Variants in TMEM135 observed in about 807,000 individuals in gnomAD.
The protein encoded by TMEM135 is transmembrane protein 135, also known as peroxisomal membrane protein 52.
Under a neutral mutation model 60.3 loss-of-function variants are expected in TMEM135, and 30 were observed. That is an observed-to-expected ratio of 0.50 (90% CI 0.37 to 0.68). The LOEUF is 0.68. TMEM135 is among the 30% of genes least tolerant of loss of function. The pLI is 0.00. For missense variants in TMEM135, 468 were observed against 548.8 expected, an observed-to-expected ratio of 0.85 and a Z score of 1.47; for synonymous variants, 190 against 186.7, an observed-to-expected ratio of 1.02 and a Z score of -0.14.
At chr11:87,131,736 A>G (rs2135232533) in intron 4 of TMEM135, among the ~76,000 whole-genome samples, 1 of 152,274 alleles carries the variant, frequency 6.6e-6, no homozygotes, top group East Asian at 1.9e-4. Context: ...TTAAAATAGA[A>G]CATACCTCAT....
intron 6 of TMEM135, among the ~76,000 whole-genome samples, chr11:87,242,727 A>G (rs1453763176): frequency 2.7e-4 from 36 of 134,042 alleles, no homozygotes; most frequent in South Asian, 7.7e-4. Flanking sequence ...AATTTGTTTG[A>G]GTTCATTGTA....
chr11:87,217,150 A>G (rs1423669135), intron 5 of TMEM135, among the ~76,000 whole-genome samples: 1 of 152,258 alleles, frequency 6.6e-6, no homozygotes, highest in East Asian at 1.9e-4. Context: ...TTTAAATATT[A>G]AAGTGTTTAT....
intron 5 of TMEM135, among the ~76,000 whole-genome samples, chr11:87,161,042 T>C (rs1166086229): frequency 2.6e-5 from 4 of 152,100 alleles, no homozygotes; most frequent in Non-Finnish European, 5.9e-5. Context: ...TGGGACCACA[T>C]GCATCCACTA....
intron 4 of TMEM135, among the ~76,000 whole-genome samples, chr11:87,152,719 A>G (rs561397): frequency 0.37 from 56,009 of 152,096 alleles, 10,851 homozygotes; most frequent in East Asian, 0.67. Context: ...GATTACAGGC[A>G]TGAGCCACCG....
rs913353201 is a variant in TMEM135, at chr11:87,138,090, T to C, written c.397-19251T>C. 9.2e-4 allele frequency among the ~76,000 whole-genome samples: 137 copies of C among 148,322 alleles called. 1 individual carries two copies. Among genetic ancestry groups the C allele is most frequent in the African/African-American group, 3.1e-3 (127 of 40,588 alleles). ...GTTTAAAAAGACCAAGTTGATTTCT[T>C]TTTTTTTTTTTTTCCTTTTAGACTG... On this transcript the variant is annotated intron_variant, in intron 4 of 14. Transcript: ENST00000305494.
rs577165356 is a variant in TMEM135, at chr11:87,295,633, A to G, written c.510-149A>G. The G allele has an allele frequency of 1.1e-4, 66 of 612,422 alleles. No homozygotes were observed. The African/African-American group carries it at 1.1e-3, about 10-fold the overall frequency. The allele number at this position is 612,422 out of a possible 1,614,324, so 37.9% of individuals were successfully genotyped here. On this transcript the variant is annotated intron_variant, in intron 6 of 14. Coordinates refer to ENST00000305494, the MANE Select transcript of TMEM135 (RefSeq NM_022918.4). ...CATTTTGTGTAAGGTGACTTACTTC[A>G]TTGCTTGTTGCTCTTTTGACCATTC...
intron 12 of TMEM135, among the ~76,000 whole-genome samples, chr11:87,316,605 T>C (rs1287183362): frequency 6.6e-6 from 1 of 152,040 alleles, no homozygotes; most frequent in Non-Finnish European, 1.5e-5. Flanking sequence ...GAGAGAACTA[T>C]ACAGATTTGG....
intron 1 of TMEM135, among the ~76,000 whole-genome samples, chr11:87,053,291 C>G (rs1475756804): frequency 1.4e-5 from 1 of 72,968 alleles, no homozygotes; most frequent in East Asian, 8.8e-4. Context: ...TGTGCATAAG[C>G]AATATATATA....
chr11:87,067,747 C>A lies in TMEM135; in HGVS notation c.195C>A (p.Leu65=). 1 of 1,613,930 alleles carries A rather than the reference C, an allele frequency of 6.2e-7. No homozygotes were observed. The highest frequency in any genetic ancestry group is 8.5e-7 in the Non-Finnish European group (1 of 1,179,934). The change falls in exon 2 of 15, where the codon CTC becomes CTA. Residue 65 remains leucine (L), a synonymous_variant. Transcript: ENST00000305494. ...RKLDYYLHKL[L]PEILQSASFL... ...TAGACTATTATTTACACAAACTACT[C>A]CCTGAGATCCTACAATCCGCTTCAT...
intron 8 of TMEM135, among the ~76,000 whole-genome samples, chr11:87,303,303 G>A (rs995346532): frequency 6.6e-6 from 1 of 152,140 alleles, no homozygotes; most frequent in Non-Finnish European, 1.5e-5. Context: ...AGCATCTAAT[G>A]CCTGATGATG....
At chr11:87,259,077 GA>G in intron 6 of TMEM135, 3 of 1,221,188 alleles carry the variant, frequency 2.5e-6, no homozygotes, top group Non-Finnish European at 3.6e-6. Context: ...GGGAGAGAAA[GA>G]AGAGGTTCTG....
At chr11:87,302,920 T>C (rs1942473187) in intron 8 of TMEM135, among the ~76,000 whole-genome samples, 2 of 152,226 alleles carry the variant, frequency 1.3e-5, no homozygotes, top group African/African-American at 4.8e-5. Flanking sequence ...AAAGAAGCTA[T>C]CATGTTTCAT....
intron 6 of TMEM135, among the ~76,000 whole-genome samples, chr11:87,254,719 G>T (rs539556406): frequency 6.6e-6 from 1 of 152,246 alleles, no homozygotes; most frequent in South Asian, 2.1e-4. Context: ...AAAGCAAAAG[G>T]ACTGGGAATT....
In TMEM135 at chr11:87,095,064, A is replaced by C. The variant is rs140126182; in HGVS notation, c.396+3669A>C. The C allele has an allele frequency of 1.2e-3, 223 of 192,134 alleles. 3 individuals carry two copies. The East Asian group carries it at 0.024, about 21-fold the overall frequency. 11.9% of individuals were successfully genotyped at this position (192,134 alleles called of 1,614,324 possible). The stretch of plus-strand genomic sequence containing the variant: ...CCATCAGTTAGCCTTCTTCCACAGC[A>C]AAAGCATTTTACTTTATCACCTTTA... On this transcript the variant is annotated intron_variant, in intron 4 of 14. Coordinates refer to ENST00000305494, the MANE Select transcript of TMEM135 (RefSeq NM_022918.4).
intron 4 of TMEM135, among the ~76,000 whole-genome samples, chr11:87,145,942 A>G (rs1261270936): frequency 6.6e-6 from 1 of 152,022 alleles, no homozygotes; most frequent in Non-Finnish European, 1.5e-5. Flanking sequence ...TGTAATTCCC[A>G]TTTGTCTATT....
intron 1 of TMEM135, among the ~76,000 whole-genome samples, chr11:87,063,521 G>T (rs1051495827): frequency 1.1e-4 from 17 of 152,342 alleles, no homozygotes; most frequent in Non-Finnish European, 2.2e-4. Context: ...TTATTGGTAT[G>T]TTATTTGTTT....
intron 5 of TMEM135, among the ~76,000 whole-genome samples, chr11:87,196,465 A>ATGTTTATT (rs1939960093): frequency 6.6e-6 from 1 of 152,184 alleles, no homozygotes; most frequent in South Asian, 2.1e-4. Context: ...AAAAATTTAC[A>ATGTTTATT]TGTTTATTTT....
chr11:87,258,988 A>G, intron 6 of TMEM135: 2 of 1,528,226 alleles, frequency 1.3e-6, no homozygotes, highest in Non-Finnish European at 1.8e-6. Context: ...GACAACGGGA[A>G]GAACCAGGAT....
intron 6 of TMEM135, among the ~76,000 whole-genome samples, chr11:87,271,362 A>G (rs1941858841): frequency 6.6e-6 from 1 of 152,156 alleles, no homozygotes; most frequent in Non-Finnish European, 1.5e-5. Context: ...TTACCACCCT[A>G]TGAACTTTAA....
Sources: gnomAD v4.1 joint callset for allele counts (sites outside exome capture counted in the v4.1 genomes callset) on GRCh38, gnomAD v4.1.1 for gene constraint, MANE v1.5 for transcripts, NCBI Gene and HGNC (gene_info 2026-07-23, HGNC 2026-07-21) for gene names.